Variants in OSBPL11 observed in about 807,000 individuals in gnomAD.
The protein encoded by OSBPL11 is oxysterol-binding protein-related protein 11.
Under a neutral mutation model 84.4 loss-of-function variants are expected in OSBPL11, and 33 were observed. The ratio of observed to expected loss-of-function variants is 0.39; its 90% CI spans 0.30 to 0.52. The LOEUF (loss-of-function observed/expected upper bound fraction) is 0.52, where lower values mean the gene tolerates loss of function less well. Ranked by LOEUF, OSBPL11 falls within the 20% of genes least tolerant of loss-of-function variation. The pLI is 0.72. For synonymous variants in OSBPL11, 276 were observed against 310.2 expected, an observed-to-expected ratio of 0.89 and a Z score of 1.16; for missense variants, 736 against 901.1, an observed-to-expected ratio of 0.82 and a Z score of 2.35.
At chr3:125,570,164 T>G (rs1936222090) in intron 5 of OSBPL11, among the ~76,000 whole-genome samples, 1 of 152,072 alleles carries the variant, frequency 6.6e-6, no homozygotes, top group Non-Finnish European at 1.5e-5. Context: ...AAGAGCCACC[T>G]GCTAGTAATG....
rs1935532355 is a variant in OSBPL11, at chr3:125,529,953, T to C, written c.*562A>G. On this transcript the variant is annotated 3_prime_UTR_variant, in exon 13 of 13. Transcript: ENST00000296220. ...GTTCCTCAGACACAGGCATACAGTC[T>C]TTTTGAAGAAATAGAATGCCTTGTT... 1 of 154,034 alleles carries C rather than the reference T, an allele frequency of 6.5e-6. No homozygotes were observed. The highest frequency in any genetic ancestry group is 1.4e-5 in the Non-Finnish European group (1 of 69,126). 9.5% of individuals were successfully genotyped at this position (154,034 alleles called of 1,614,324 possible). A position where few individuals can be genotyped will look rare whatever the true frequency, so the allele number is the denominator to read the frequency against.
chr3:125,530,313 C>A lies in OSBPL11; in HGVS notation c.*202G>T, dbSNP rs192024253. 6 of 589,434 alleles carry A rather than the reference C, an allele frequency of 1.0e-5. No homozygotes were observed. In the East Asian group the frequency reaches 1.7e-4, roughly 17 times the overall value. 36.5% of individuals were successfully genotyped at this position (589,434 alleles called of 1,614,324 possible). A position where few individuals can be genotyped will look rare whatever the true frequency, so the allele number is the denominator to read the frequency against. ...GATGGTATTGCTCACATCACATGAACAGGTTGGTAAAAGGTCCACTGTGTT... is the reference window on the plus strand; with the variant it reads ...GATGGTATTGCTCACATCACATGAAAAGGTTGGTAAAAGGTCCACTGTGTT... On this transcript the variant is annotated 3_prime_UTR_variant, in exon 13 of 13. Transcript: ENST00000296220.
At chr3:125,543,752 T>C (rs1434266869) in intron 10 of OSBPL11, among the ~76,000 whole-genome samples, 3 of 151,626 alleles carry the variant, frequency 2.0e-5, no homozygotes, top group South Asian at 2.1e-4. Flanking sequence ...AATACAAAAA[T>C]AGCCAGGCAT....
At chr3:125,567,117 C>T (rs1472701456) in intron 6 of OSBPL11, among the ~76,000 whole-genome samples, 1 of 152,138 alleles carries the variant, frequency 6.6e-6, no homozygotes, top group African/African-American at 2.4e-5. Flanking sequence ...ATAGGAGATG[C>T]ACATTTTGAG....
At chr3:125,569,048 G>C (rs979326504) in intron 5 of OSBPL11, among the ~76,000 whole-genome samples, 1 of 151,950 alleles carries the variant, frequency 6.6e-6, no homozygotes, top group Non-Finnish European at 1.5e-5. Flanking sequence ...CCCAGGCTCT[G>C]AGGCTCTCAC....
intron 1 of OSBPL11, among the ~76,000 whole-genome samples, chr3:125,583,431 A>C (rs1366685127): frequency 1.3e-5 from 2 of 151,592 alleles, no homozygotes; most frequent in African/African-American, 4.9e-5. Flanking sequence ...AAATACAAAA[A>C]TTCATCGGGC....
At chr3:125,538,765 G>A in intron 10 of OSBPL11, 132 bp from the exon 11 acceptor site, 1 of 636,122 alleles carries the variant, frequency 1.6e-6, no homozygotes, top group Non-Finnish European at 2.6e-6. Context: ...ATATGTCAGT[G>A]CCAAAGTTAG....
rs1936323097 is a variant in OSBPL11, at chr3:125,576,365, T to A, written c.490A>T (p.Asn164Tyr). The change falls in exon 5 of 13, where the codon AAT becomes TAT. Residue 164 changes from asparagine to tyrosine, a missense_variant and splice_region_variant. Physicochemically the swap from Asn to Tyr is moderately radical, Grantham distance 143 (BLOSUM62 -2). Transcript: ENST00000296220. ...CTCCGTGACTTCAGAGGAGGATTAT[T>A]CTGTTAGACAAAGAAAATCATTCCT... ...TQHHTEAIGK[N>Y]NPPLKSRSFS... 2 of 1,552,842 alleles carry A rather than the reference T, an allele frequency of 1.3e-6. No individual in the cohort carries two copies. Among genetic ancestry groups the A allele is most frequent in the South Asian group, 1.2e-5 (1 of 80,912 alleles).
chr3:125,575,197 A>G (rs1165433298), intron 5 of OSBPL11, among the ~76,000 whole-genome samples: 1 of 152,124 alleles, frequency 6.6e-6, no homozygotes, highest in Non-Finnish European at 1.5e-5. Context: ...TTCTATACAT[A>G]TATTTGGAAC....
At chr3:125,575,847 T>G (rs1936314484) in intron 5 of OSBPL11, among the ~76,000 whole-genome samples, 1 of 151,830 alleles carries the variant, frequency 6.6e-6, no homozygotes, top group African/African-American at 2.4e-5. Flanking sequence ...TATATCAGTT[T>G]GTTTTTTTAA....
intron 1 of OSBPL11, among the ~76,000 whole-genome samples, chr3:125,593,491 A>AAG (rs1936632679): frequency 6.6e-6 from 1 of 151,800 alleles, no homozygotes; most frequent in Non-Finnish European, 1.5e-5. Flanking sequence ...GTGGTGGCGC[A>AAG]CGCCTGTAAT....
intron 10 of OSBPL11, among the ~76,000 whole-genome samples, chr3:125,539,224 CTA>C (rs1458060036): frequency 1.4e-5 from 2 of 143,960 alleles, no homozygotes; most frequent in African/African-American, 5.2e-5. Flanking sequence ...TCTACAAAAA[CTA>C]TCATTATCAC....
chr3:125,581,636 C>T (rs1044468624), intron 2 of OSBPL11, among the ~76,000 whole-genome samples: 7 of 131,472 alleles, frequency 5.3e-5, no homozygotes, highest in Admixed American at 1.8e-4. Flanking sequence ...GCAGAGGTTG[C>T]GGTGAGCTGA....
At chr3:125,556,372 G>T (rs569106718) in intron 8 of OSBPL11, among the ~76,000 whole-genome samples, 2 of 152,176 alleles carry the variant, frequency 1.3e-5, no homozygotes, top group South Asian at 4.1e-4. Flanking sequence ...TCCTCTCCAT[G>T]TTCTGCTGTC....
Position 125,594,685 on chromosome 3 carries a change from C to T in OSBPL11, c.116G>A (p.Ser39Asn). The change falls in exon 1 of 13, where the codon AGT (serine) becomes AAT (asparagine). Residue 39 changes from serine to asparagine, a missense_variant. Ser to Asn is a conservative substitution (Grantham distance 46). Around this residue, in one of 3 missense-constraint regions of OSBPL11, gnomAD observed 114 missense variants for 104.9 expected, o/e 1.09. Coordinates refer to ENST00000296220, the MANE Select transcript of OSBPL11 (RefSeq NM_022776.5). ...GCCACCGCGGCTGCTGCTGCTGCTACTGATTCCACCTCCACAGCTGCTGTT... is the reference window on the plus strand; with the variant it reads ...GCCACCGCGGCTGCTGCTGCTGCTATTGATTCCACCTCCACAGCTGCTGTT... ...NKNSSCGGGI[S>N]SSSSSRGGSA... is the part of the protein sequence containing the mutation. 4.3e-6 allele frequency: 7 copies of T among 1,614,122 alleles called. No individual in the cohort carries two copies. The highest frequency in any genetic ancestry group is 5.9e-6 in the Non-Finnish European group (7 of 1,180,040).
At chr3:125,556,723 A>C (rs1391636985) in intron 8 of OSBPL11, among the ~76,000 whole-genome samples, 1 of 152,220 alleles carries the variant, frequency 6.6e-6, no homozygotes, top group African/African-American at 2.4e-5. Context: ...TGCTAAGCTT[A>C]TGTTAGCTAT....
At chr3:125,531,745 G>T in intron 12 of OSBPL11, 116 bp downstream of exon 12, 1 of 1,032,586 alleles carries the variant, frequency 9.7e-7, no homozygotes, top group Non-Finnish European at 1.4e-6. Flanking sequence ...TTTATATACA[G>T]CCATACTACT....
Position 125,594,657 on chromosome 3 carries a change from A to G in OSBPL11, c.144T>C (p.Ser48=). 1 of 1,613,756 alleles carries G rather than the reference A, an allele frequency of 6.2e-7. No homozygotes were observed. The highest frequency in any genetic ancestry group is 1.3e-5 in the African/African-American group (1 of 75,030). The change falls in exon 1 of 13, where the codon AGT becomes AGC. Residue 48 remains serine, a synonymous_variant. Transcript: ENST00000296220. ...ISSSSSSRGG[S]AKGWQYSDHM... ...CATACCTGTACTGCCAGCCTTTTGC[A>G]CTGCCACCGCGGCTGCTGCTGCTGC...
chr3:125,591,881 T>G (rs1299588293), intron 1 of OSBPL11, among the ~76,000 whole-genome samples: 1 of 152,096 alleles, frequency 6.6e-6, no homozygotes. Context: ...TGTACACCTG[T>G]AGTCCCAGCT....
Sources: gnomAD v4.1 joint callset for allele counts (sites outside exome capture counted in the v4.1 genomes callset) on GRCh38, gnomAD v4.1.1 for gene constraint, gnomAD v4.1.1 regional missense constraint, MANE v1.5 for transcripts, NCBI Gene and HGNC (gene_info 2026-07-23, HGNC 2026-07-21) for gene names.